Variants in CBY1 observed in about 807,000 individuals in gnomAD.
The protein encoded by CBY1 is chibby 1, beta catenin antagonist, also known as protein chibby homolog 1.
Under a neutral mutation model 15.6 loss-of-function variants are expected in CBY1, and 10 were observed. The ratio of observed to expected loss-of-function variants is 0.64; its 90% CI spans 0.40 to 1.09. The LOEUF (loss-of-function observed/expected upper bound fraction) is 1.09, where lower values mean the gene tolerates loss of function less well. CBY1 is among the 50% of genes least tolerant of loss of function. CBY1 has a pLI of 0.01. For synonymous variants in CBY1, 61 were observed against 63.5 expected (o/e 0.96, Z 0.19); for missense variants, 150 against 160.5 (o/e 0.93, Z 0.35).
intron 2 of CBY1, chr22:38,668,667 A>G (rs28735351): frequency 0.065 from 9,966 of 153,186 alleles, 682 homozygotes; most frequent in African/African-American, 0.17. Context: ...CACTGTGCCC[A>G]GCCAGTATCA....
At chr22:38,664,916 T>G (rs2092431912) in intron 1 of CBY1, among the ~76,000 whole-genome samples, 3 of 152,020 alleles carry the variant, frequency 2.0e-5, no homozygotes, top group East Asian at 1.9e-4. Context: ...TGATCACAGC[T>G]CACTGCAGCC....
Position 38,666,991 on chromosome 22 carries a change from C to T in CBY1, c.-38-1026C>T, listed in dbSNP as rs74967987. On this transcript the variant is annotated intron_variant, in intron 1 of 4. Transcript: ENST00000216029. Reference sequence around the variant, plus strand: ...TGCTGGGATTACAGATATGAGCCACCGTGCCCAGCCATTTCTTTCTTTATT... The same window carrying T: ...TGCTGGGATTACAGATATGAGCCACTGTGCCCAGCCATTTCTTTCTTTATT... Among the ~76,000 whole-genome samples, 9 of 147,860 alleles carry T rather than the reference C, an allele frequency of 6.1e-5. No individual in the cohort carries two copies. The East Asian group carries it at 1.0e-3, about 17-fold the overall frequency.
chr22:38,659,707 A>ACC (rs2092416263), intron 1 of CBY1, among the ~76,000 whole-genome samples: 1 of 151,916 alleles, frequency 6.6e-6, no homozygotes, highest in African/African-American at 2.4e-5. Context: ...CTAAAAATAC[A>ACC]AAAAATTGCC....
Position 38,670,948 on chromosome 22 carries a change from C to G in CBY1, c.143C>G (p.Ala48Gly), listed in dbSNP as rs2092450739. The change falls in exon 3 of 5, where the codon GCA (alanine) becomes GGA (glycine). Residue 48 changes from alanine to glycine, a missense_variant. Ala to Gly is a moderately conservative substitution (Grantham distance 60). Transcript: ENST00000216029. ...LEYGSPTMNLAGQSLKFENGQ... is the reference protein window; with the variant it reads ...LEYGSPTMNLGGQSLKFENGQ... Reference sequence around the variant, plus strand: ...TACGGATCCCCGACTATGAACCTGGCAGGGCAAAGCCTGAAGTTTGAAAAT... The same window carrying G: ...TACGGATCCCCGACTATGAACCTGGGAGGGCAAAGCCTGAAGTTTGAAAAT... 4.3e-6 allele frequency: 7 copies of G among 1,614,180 alleles called. No homozygotes were observed. Among genetic ancestry groups the G allele is most frequent in the Non-Finnish European group, 5.9e-6 (7 of 1,180,016 alleles).
chr22:38,668,711 T>C (rs2092444164), intron 2 of CBY1: 1 of 152,796 alleles, frequency 6.5e-6, no homozygotes, highest in Non-Finnish European at 1.5e-5. Context: ...CTGTGACCTT[T>C]TCCTACAGAG....
chr22:38,660,733 C>CTTTA (rs1275371832), intron 1 of CBY1, among the ~76,000 whole-genome samples: 3 of 151,834 alleles, frequency 2.0e-5, no homozygotes, highest in Non-Finnish European at 2.9e-5. Flanking sequence ...GCATTTTCAT[C>CTTTA]TTTATTTATT....
chr22:38,662,868 G>A (rs922137548), intron 1 of CBY1, among the ~76,000 whole-genome samples: 1 of 152,200 alleles, frequency 6.6e-6, no homozygotes, highest in African/African-American at 2.4e-5. Flanking sequence ...ATTGGGCTGG[G>A]TGCAGTGGCT....
intron 1 of CBY1, chr22:38,667,691 GCT>G (rs2092440958): frequency 8.4e-6 from 2 of 237,834 alleles, no homozygotes; most frequent in East Asian, 2.1e-4. Context: ...GAGGCAGAAG[GCT>G]CACATGGTGA....
intron 2 of CBY1, among the ~76,000 whole-genome samples, chr22:38,669,347 CCTT>C (rs1424186316): frequency 5.9e-5 from 9 of 152,128 alleles, no homozygotes; most frequent in Non-Finnish European, 1.0e-4. Context: ...GCACGCTACT[CCTT>C]CTGCCTAGAA....
chr22:38,665,933 G>C (rs2092434525), intron 1 of CBY1, among the ~76,000 whole-genome samples: 1 of 151,728 alleles, frequency 6.6e-6, no homozygotes, highest in African/African-American at 2.4e-5. Flanking sequence ...TATTTACAAG[G>C]CTGAGGCACA....
Position 38,668,037 on chromosome 22 carries a change from G to A in CBY1, c.-18G>A, listed in dbSNP as rs376289714. On this transcript the variant is annotated 5_prime_UTR_variant, in exon 2 of 5. Transcript: ENST00000216029. ...CCTAGGAGAAGGGAGCACTGGCTTT[G>A]CTTTCATCAGGCCAAAGATGCCTTT... The A allele has an allele frequency of 7.4e-6, 12 of 1,612,856 alleles. No homozygotes were observed. Among genetic ancestry groups the A allele is most frequent in the Non-Finnish European group, 1.0e-5 (12 of 1,179,060 alleles).
chr22:38,668,091 A>G lies in CBY1; in HGVS notation c.37A>G (p.Thr13Ala). 6.2e-7 allele frequency: 1 copy of G among 1,613,652 alleles called. No homozygotes were observed. Among genetic ancestry groups the G allele is most frequent in the Non-Finnish European group, 8.5e-7 (1 of 1,179,638 alleles). The stretch of plus-strand genomic sequence containing the variant: ...TGGGAATACGTTCAGTCCGAAGAAG[A>G]CACCTCCTCGGAAGTCGGCATCTCT... ...FFGNTFSPKK[T>A]PPRKSASLSN... Residue 13 changes from threonine to alanine, a missense_variant, in exon 2 of 5, where the codon ACA becomes GCA. By Grantham distance (58) the Thr-to-Ala change is moderately conservative (BLOSUM62 0). Transcript: ENST00000216029.
intron 1 of CBY1, among the ~76,000 whole-genome samples, chr22:38,661,638 A>G (rs1429524834): frequency 6.6e-6 from 1 of 152,076 alleles, no homozygotes; most frequent in African/African-American, 2.4e-5. Flanking sequence ...AGTGAGATCA[A>G]TTTCTCCCTT....
At chr22:38,659,861 CAA>C (rs71197126) in intron 1 of CBY1, among the ~76,000 whole-genome samples, 6 of 68,372 alleles carry the variant, frequency 8.8e-5, no homozygotes, top group Admixed American at 1.7e-4. Context: ...GACTCTGTCT[CAA>C]AAAAAAAAAA....
At chr22:38,667,681 G>A (rs1167621433) in intron 1 of CBY1, 1 of 221,138 alleles carries the variant, frequency 4.5e-6, no homozygotes, top group Non-Finnish European at 8.9e-6. Context: ...CATCCTGTGT[G>A]AGGCAGAAGG....
intron 1 of CBY1, among the ~76,000 whole-genome samples, chr22:38,661,819 T>C (rs914608480): frequency 6.6e-6 from 1 of 152,202 alleles, no homozygotes; most frequent in African/African-American, 2.4e-5. Context: ...GGCCCATTTC[T>C]TGTCAGATCC....
At chr22:38,659,621 G>A (rs1475825272) in intron 1 of CBY1, among the ~76,000 whole-genome samples, 1 of 152,008 alleles carries the variant, frequency 6.6e-6, no homozygotes, top group Admixed American at 6.5e-5. Context: ...CCAGCACTTT[G>A]GGAGGCCAAG....
chr22:38,664,277 G>T (rs939524048), intron 1 of CBY1, among the ~76,000 whole-genome samples: 4 of 152,004 alleles, frequency 2.6e-5, no homozygotes, highest in Admixed American at 2.0e-4. Flanking sequence ...TTCGAGACAA[G>T]CCTGGCCAGC....
chr22:38,664,714 C>G (rs948288677), intron 1 of CBY1, among the ~76,000 whole-genome samples: 25 of 152,144 alleles, frequency 1.6e-4, no homozygotes, highest in African/African-American at 6.0e-4. Context: ...TTTGGAAAAC[C>G]ATTTGGCAGA....
Sources: allele counts gnomAD v4.1 joint callset (sites outside exome capture counted in the v4.1 genomes callset), GRCh38; gene constraint gnomAD v4.1.1; transcripts MANE v1.5; gene names NCBI Gene and HGNC (gene_info 2026-07-23, HGNC 2026-07-21).